Variants in TOE1 observed in about 807,000 individuals in gnomAD.
The protein encoded by TOE1 is target of EGR1 protein 1.
TOE1 carries 50 observed loss-of-function variants against 49.2 expected under a neutral mutation model. The observed-to-expected ratio is 1.02, with a 90% CI of 0.81 to 1.29. The LOEUF (loss-of-function observed/expected upper bound fraction) is 1.29. Among genes scored for constraint, TOE1 ranks in the 50% most tolerant of loss-of-function variants. The pLI is 0.00. For synonymous variants in TOE1, 221 were observed against 247.0 expected, an observed-to-expected ratio of 0.89 and a Z score of 0.99; for missense variants, 544 against 654.4, an observed-to-expected ratio of 0.83 and a Z score of 1.84.
In TOE1 at chr1:45,342,443, C is replaced by A. The variant is rs778471696; in HGVS notation, c.552C>A (p.Arg184=). The A allele has an allele frequency of 1.2e-6, 2 of 1,614,192 alleles. No individual in the cohort carries two copies. Among genetic ancestry groups the A allele is most frequent in the South Asian group, 2.2e-5 (2 of 91,088 alleles). The stretch of plus-strand genomic sequence containing the variant: ...TATTCCTGGAGCTAATCCGAGCCCG[C>A]CGGCCCCTGGTGCTACACAATGGCC... ...RTLFLELIRA[R]RPLVLHNGLI... The change falls in exon 6 of 8, where the codon CGC becomes CGA. Residue 184 remains arginine (R), a synonymous_variant. Coordinates refer to ENST00000372090, the MANE Select transcript of TOE1 (RefSeq NM_025077.4).
At chr1:45,340,810 C>T (rs1646901350) in intron 1 of TOE1, among the ~76,000 whole-genome samples, 1 of 152,210 alleles carries the variant, frequency 6.6e-6, no homozygotes, top group Admixed American at 6.5e-5. Flanking sequence ...CCAACTTTCT[C>T]CTCTACAGAT....
intron 2 of TOE1, 34 bp from the exon 3 acceptor site, chr1:45,341,269 G>A: frequency 1.2e-6 from 2 of 1,614,186 alleles, no homozygotes; most frequent in South Asian, 1.1e-5. Flanking sequence ...TGGTGCTAGA[G>A]GCCTGTCACA....
Position 45,341,300 on chromosome 1 carries a change from C to T in TOE1, c.196-3C>T, listed in dbSNP as rs200821819. 685 of 1,614,192 alleles carry T rather than the reference C, an allele frequency of 4.2e-4. 1 individual carries two copies. The highest frequency in any genetic ancestry group is 6.6e-4 in the Middle Eastern group (4 of 6,062). Reference sequence around the variant, plus strand: ...TCACAACTCTCCCTTTACCTACCCACAGGAGCTGAGTGGGCTTGGGGACAG... The same window carrying T: ...TCACAACTCTCCCTTTACCTACCCATAGGAGCTGAGTGGGCTTGGGGACAG... On this transcript the variant is annotated splice_polypyrimidine_tract_variant and splice_region_variant and intron_variant, in intron 2 of 7. Coordinates refer to ENST00000372090, the MANE Select transcript of TOE1 (RefSeq NM_025077.4).
At chr1:45,340,534 C>A (rs80323611) in intron 1 of TOE1, 3 of 1,411,998 alleles carry the variant, frequency 2.1e-6, no homozygotes, top group African/African-American at 2.9e-5. Flanking sequence ...TAGTCTGGAG[C>A]TCATAACGGT....
intron 4 of TOE1, 137 bp from the exon 5 acceptor site, chr1:45,341,812 C>T (rs1243381562): frequency 1.3e-5 from 12 of 939,366 alleles, no homozygotes; most frequent in African/African-American, 4.9e-5. Context: ...GTGCCCAATG[C>T]GTAGTCTTTT....
rs891303276 is a variant in TOE1, at chr1:45,341,893, A to G, written c.334-56A>G. 9 of 1,578,086 alleles carry G rather than the reference A, an allele frequency of 5.7e-6. No homozygotes were observed. The East Asian group carries it at 1.6e-4, about 28-fold the overall frequency. ...CATTGTATCATTCTTAAGCTTTTGC[A>G]TCCTCCTAGCTTGGCTCTCTGAAAT... On this transcript the variant is annotated intron_variant, in intron 4 of 7. Transcript: ENST00000372090.
chr1:45,341,793 G>C (rs1647002868), intron 4 of TOE1, among the ~76,000 whole-genome samples, 156 bp from the exon 5 acceptor site: 1 of 151,918 alleles, frequency 6.6e-6, no homozygotes, highest in Admixed American at 6.6e-5. Context: ...CTATCACCCA[G>C]TGTACACTGT....
rs755114749 is a variant in TOE1, at chr1:45,342,270, T to C, written c.493-114T>C. The C allele has an allele frequency of 1.8e-5, 27 of 1,515,658 alleles. No homozygotes were observed. The Admixed American group carries it at 2.5e-4, about 14-fold the overall frequency. 93.9% of individuals were successfully genotyped at this position (1,515,658 alleles called of 1,614,324 possible). On this transcript the variant is annotated intron_variant, in intron 5 of 7. Transcript: ENST00000372090. Reference sequence around the variant, plus strand: ...ACTGGTATGAGGAGGGTGGGCAGCATTGGGTAAGGTAGAGAGAGAGCGTTC... The same window carrying C: ...ACTGGTATGAGGAGGGTGGGCAGCACTGGGTAAGGTAGAGAGAGAGCGTTC...
intron 5 of TOE1, 54 bp downstream of exon 5, chr1:45,342,161 T>C: frequency 6.3e-7 from 1 of 1,598,826 alleles, no homozygotes; most frequent in South Asian, 1.1e-5. Flanking sequence ...ACTTTATTTC[T>C]TCCTACCCTA....
In TOE1 at chr1:45,342,186, G is replaced by C. The variant is rs114948281; in HGVS notation, c.492+79G>C. Reference sequence around the variant, plus strand: ...TTCCTACCCTAGGCTGGATGTCTGGGGAGAATCTGCTTCTTAGGGAGTATG... The same window carrying C: ...TTCCTACCCTAGGCTGGATGTCTGGCGAGAATCTGCTTCTTAGGGAGTATG... On this transcript the variant is annotated intron_variant, in intron 5 of 7. Transcript: ENST00000372090. 6,277 of 1,565,336 alleles carry C rather than the reference G, an allele frequency of 4.0e-3. 25 individuals carry two copies. Among genetic ancestry groups the C allele is most frequent in the Non-Finnish European group, 5.1e-3 (5,891 of 1,147,636 alleles).
At position 45,342,608 on chromosome 1, in the gene TOE1, C is replaced by T. The variant is rs201403165; in HGVS notation, c.717C>T (p.Phe239=). The change falls in exon 6 of 8, where the codon TTC becomes TTT. Residue 239 remains phenylalanine, a synonymous_variant. Transcript: ENST00000372090. The part of the protein sequence containing the change: ...TKYAAEFHAR[F]VASYLEYAFR... ...ATGCTGCTGAGTTTCATGCCCGTTTCGTGGCCTCCTACTTAGAATATGCCT... is the reference window on the plus strand; with the variant it reads ...ATGCTGCTGAGTTTCATGCCCGTTTTGTGGCCTCCTACTTAGAATATGCCT... The T allele has an allele frequency of 2.5e-5, 40 of 1,614,064 alleles. No individual in the cohort carries two copies. The East Asian group carries it at 4.2e-4, about 17-fold the overall frequency.
Position 45,342,838 on chromosome 1 carries a change from T to G in TOE1, c.753-5T>G. On this transcript the variant is annotated splice_polypyrimidine_tract_variant and splice_region_variant and intron_variant, in intron 6 of 7. Coordinates refer to ENST00000372090, the MANE Select transcript of TOE1 (RefSeq NM_025077.4). ...GTGGACCATTACCCTCTTGCGCTGTTGCAGTGAACGGGAAAATGGGAAGCA... is the reference window on the plus strand; with the variant it reads ...GTGGACCATTACCCTCTTGCGCTGTGGCAGTGAACGGGAAAATGGGAAGCA... The G allele has an allele frequency of 2.5e-6, 4 of 1,614,108 alleles. No individual in the cohort carries two copies. Among genetic ancestry groups the G allele is most frequent in the Non-Finnish European group, 3.4e-6 (4 of 1,179,996 alleles).
chr1:45,342,195 G>T, intron 5 of TOE1, 88 bp downstream of exon 5: 1 of 1,544,786 alleles, frequency 6.5e-7, no homozygotes, highest in Non-Finnish European at 8.8e-7. Flanking sequence ...GGGAGAATCT[G>T]CTTCTTAGGG....
At chr1:45,342,753 A>G in intron 6 of TOE1, 90 bp from the exon 7 acceptor site, 7 of 1,601,774 alleles carry the variant, frequency 4.4e-6, no homozygotes, top group Non-Finnish European at 6.0e-6. Flanking sequence ...TTAGGTGCTG[A>G]GGATTCAGCA....
chr1:45,340,241 A>G lies in TOE1; in HGVS notation c.-12A>G, dbSNP rs1553137063. 3.1e-6 allele frequency: 5 copies of G among 1,613,780 alleles called. No homozygotes were observed. Among genetic ancestry groups the G allele is most frequent in the Non-Finnish European group, 4.2e-6 (5 of 1,180,016 alleles). On this transcript the variant is annotated 5_prime_UTR_variant, in exon 1 of 8. Coordinates refer to ENST00000372090, the MANE Select transcript of TOE1 (RefSeq NM_025077.4). ...TACCCACAGACGACTCAGGCGGGAGACGAGCGGTGTCATGGCCGCCGACAG... is the reference window on the plus strand; with the variant it reads ...TACCCACAGACGACTCAGGCGGGAGGCGAGCGGTGTCATGGCCGCCGACAG...
In TOE1 at chr1:45,343,096, C is replaced by T. The variant is rs566392020; in HGVS notation, c.927C>T (p.Cys309=). The T allele has an allele frequency of 6.8e-6, 11 of 1,612,878 alleles. No individual in the cohort carries two copies. In the African/African-American group the frequency reaches 1.3e-4, roughly 20 times the overall value. ...CCCACCCCTAGGCTTATGGCTGGTG[C>T]CCCCTGGGACCACAGTGTCCTCAGT... is the stretch of plus-strand genomic sequence containing the variant. ...ICDNFSAYGW[C]PLGPQCPQSH... The change falls in exon 8 of 8, where the codon TGC becomes TGT. Residue 309 remains cysteine (C), a synonymous_variant. Transcript: ENST00000372090. The surrounding 1 kb of genome is among the most constrained non-coding windows in gnomAD (Gnocchi z 4.3).
At position 45,341,938 on chromosome 1, in the gene TOE1, C is replaced by T. The variant is rs768158759; in HGVS notation, c.334-11C>T. ...TGAAATCTTGATATAGCAGACTTCT[C>T]TTTCTCCCAGGGTGAACATTCCTAT... On this transcript the variant is annotated splice_polypyrimidine_tract_variant and intron_variant, in intron 4 of 7. Coordinates refer to ENST00000372090, the MANE Select transcript of TOE1 (RefSeq NM_025077.4). 3 of 1,612,716 alleles carry T rather than the reference C, an allele frequency of 1.9e-6. No homozygotes were observed. The Admixed American group carries it at 5.0e-5, about 27-fold the overall frequency.
chr1:45,341,938 C>CT lies in TOE1; in HGVS notation c.334-8dup, dbSNP rs1647017917. ...TGAAATCTTGATATAGCAGACTTCT[C>CT]TTTCTCCCAGGGTGAACATTCCTAT... On this transcript the variant is annotated splice_polypyrimidine_tract_variant and intron_variant, in intron 4 of 7. Coordinates refer to ENST00000372090, the MANE Select transcript of TOE1 (RefSeq NM_025077.4). The CT allele has an allele frequency of 6.2e-7, 1 of 1,612,596 alleles. No homozygotes were observed. The highest frequency in any genetic ancestry group is 1.7e-5 in the Admixed American group (1 of 59,942).
intron 1 of TOE1, chr1:45,340,601 G>A (rs1646877636): frequency 1.5e-6 from 2 of 1,329,190 alleles, no homozygotes; most frequent in African/African-American, 1.5e-5. Flanking sequence ...GTGATCCAAA[G>A]GAAGGTAGGA....
Sources: allele counts gnomAD v4.1 joint callset (sites outside exome capture counted in the v4.1 genomes callset), GRCh38; gene constraint gnomAD v4.1.1; non-coding constraint Gnocchi (gnomAD v3.1); transcripts MANE v1.5; gene names NCBI Gene and HGNC (gene_info 2026-07-23, HGNC 2026-07-21).